Variants in KLC1 observed in about 807,000 individuals in gnomAD.
The protein encoded by KLC1 is kinesin light chain 1, also known as kinesin 2 60/70kDa.
A neutral mutation model predicts 84.2 loss-of-function variants in KLC1; 30 were observed. The observed-to-expected ratio is 0.36, with a 90% CI of 0.27 to 0.48. KLC1 has a LOEUF of 0.48. Ranked by LOEUF, KLC1 falls within the 20% of genes least tolerant of loss-of-function variation. The pLI, the probability that KLC1 is intolerant of heterozygous loss-of-function variation, is 0.99. For synonymous variants in KLC1, 289 were observed against 293.3 expected (o/e 0.99, Z 0.15); for missense variants, 499 against 805.4 (o/e 0.62, Z 4.60).
chr14:103,646,306 G>A (rs1287795468), intron 1 of KLC1, among the ~76,000 whole-genome samples: 1 of 152,036 alleles, frequency 6.6e-6, no homozygotes, highest in African/African-American at 2.4e-5. Context: ...TGTGTAATGA[G>A]AACTATTTTC....
At chr14:103,671,130 A>G (rs1384813326) in intron 7 of KLC1, among the ~76,000 whole-genome samples, 1 of 152,132 alleles carries the variant, frequency 6.6e-6, no homozygotes, top group Non-Finnish European at 1.5e-5. Flanking sequence ...ATTAAAGATA[A>G]ATTCACCAAA....
chr14:103,696,325 G>C (rs1166373376), intron 15 of KLC1: 1 of 985,234 alleles, frequency 1.0e-6, no homozygotes, highest in African/African-American at 1.7e-5. Flanking sequence ...GGGTGGCACG[G>C]GGCACTCTCA....
intron 15 of KLC1, 42 bp from the exon 16 acceptor site, chr14:103,700,613 C>T (rs1446515878): frequency 6.5e-7 from 1 of 1,544,548 alleles, no homozygotes; most frequent in Non-Finnish European, 8.9e-7. Flanking sequence ...CTGAGGGCCG[C>T]CTGCACGCCC....
At chr14:103,678,558 C>T (rs1408155306) in intron 12 of KLC1, among the ~76,000 whole-genome samples, 2 of 151,520 alleles carry the variant, frequency 1.3e-5, no homozygotes, top group African/African-American at 4.9e-5. Flanking sequence ...GGTGTGTTGG[C>T]CCAAGCCTGT....
intron 13 of KLC1, 39 bp downstream of exon 13, chr14:103,679,584 G>GC: frequency 6.5e-7 from 1 of 1,532,408 alleles, no homozygotes; most frequent in Middle Eastern, 1.7e-4. Flanking sequence ...TCCGGGAGGC[G>GC]CCCCCAAGTG....
chr14:103,654,525 T>C (rs2078700845), intron 1 of KLC1, 39 bp from the exon 2 acceptor site: 2 of 1,536,664 alleles, frequency 1.3e-6, no homozygotes, highest in African/African-American at 1.4e-5. Context: ...ATGAAACCTG[T>C]AATGAGGGAT....
At chr14:103,649,129 C>A (rs2078183154) in intron 1 of KLC1, among the ~76,000 whole-genome samples, 1 of 151,572 alleles carries the variant, frequency 6.6e-6, no homozygotes, top group Admixed American at 6.6e-5. Context: ...AGAATGAGAG[C>A]CTGTCTTAAA....
At chr14:103,666,255 G>C (rs2079799592) in intron 5 of KLC1, among the ~76,000 whole-genome samples, 2 of 151,990 alleles carry the variant, frequency 1.3e-5, no homozygotes, top group Admixed American at 1.3e-4. Context: ...AGTAGAGACG[G>C]AGTTTCACCA....
chr14:103,629,698 TTC>T, intron 1 of KLC1, among the ~76,000 whole-genome samples: 1 of 142,144 alleles, frequency 7.0e-6, no homozygotes, highest in Non-Finnish European at 1.5e-5. Flanking sequence ...CCCTTCCAGG[TTC>T]AGGTCGGGTT....
At chr14:103,664,248 T>C (rs1033768532) in intron 5 of KLC1, among the ~76,000 whole-genome samples, 5 of 152,152 alleles carry the variant, frequency 3.3e-5, no homozygotes, top group Non-Finnish European at 7.4e-5. Context: ...GCTTCCTGAG[T>C]TCAAGTGATT....
At chr14:103,649,528 A>T (rs1024583630) in intron 1 of KLC1, among the ~76,000 whole-genome samples, 1 of 146,862 alleles carries the variant, frequency 6.8e-6, no homozygotes, top group African/African-American at 2.5e-5. Flanking sequence ...CAAGAGTTTT[A>T]GACCAGCCTG....
chr14:103,647,218 C>CT (rs895749078), intron 1 of KLC1, among the ~76,000 whole-genome samples: 3 of 151,152 alleles, frequency 2.0e-5, no homozygotes, highest in Non-Finnish European at 3.0e-5. Flanking sequence ...TATCCAGAAA[C>CT]TTTTTTTTTA....
chr14:103,685,249 T>C (rs996879887), intron 13 of KLC1: 42 of 1,398,450 alleles, frequency 3.0e-5, no homozygotes, highest in Non-Finnish European at 3.8e-5. Flanking sequence ...TTTAAGAGAA[T>C]GAAAGTCATA....
chr14:103,647,891 A>G (rs2078073858), intron 1 of KLC1, among the ~76,000 whole-genome samples: 2 of 151,390 alleles, frequency 1.3e-5, no homozygotes, highest in African/African-American at 4.8e-5. Flanking sequence ...AAAAAAAAAG[A>G]ATAGCATTTC....
At chr14:103,692,483 C>T in intron 15 of KLC1, 58 bp downstream of exon 15, 1 of 1,448,434 alleles carries the variant, frequency 6.9e-7, no homozygotes, top group Non-Finnish European at 9.4e-7. Flanking sequence ...GGCAGGTCTG[C>T]TGCAGACCCG....
chr14:103,645,220 G>A (rs1595296803), intron 1 of KLC1, among the ~76,000 whole-genome samples: 1 of 152,120 alleles, frequency 6.6e-6, no homozygotes, highest in African/African-American at 2.4e-5. Flanking sequence ...TGATCCGCCC[G>A]CCTCGGCCTC....
At chr14:103,700,764 G>C (rs755300970) in intron 16 of KLC1, 37 bp downstream of exon 16, 1 of 1,509,086 alleles carries the variant, frequency 6.6e-7, no homozygotes, top group Non-Finnish European at 9.0e-7. Context: ...GAAGCAGGCA[G>C]CTGGGCCAGG....
In KLC1 at chr14:103,698,774, G is replaced by T. The variant is rs769885082; in HGVS notation, c.1849-1881G>T. ...CCGTGTGTCGGGGCTTCTCAGGCAGGGCTGTTGTGCAGCCGCCACCGTGTC... is the reference window on the plus strand; with the variant it reads ...CCGTGTGTCGGGGCTTCTCAGGCAGTGCTGTTGTGCAGCCGCCACCGTGTC... On this transcript the variant is annotated intron_variant, in intron 15 of 16. Transcript: ENST00000334553. 8 of 1,570,142 alleles carry T rather than the reference G, an allele frequency of 5.1e-6. No homozygotes were observed. In the South Asian group the frequency reaches 9.3e-5, roughly 18 times the overall value.
intron 5 of KLC1, among the ~76,000 whole-genome samples, chr14:103,666,314 T>C (rs143119523): frequency 0.018 from 2,691 of 152,116 alleles, 92 homozygotes; most frequent in African/African-American, 0.061. Flanking sequence ...CCACCCGCCT[T>C]GGCCTCCCAA....
Sources: allele counts gnomAD v4.1 joint callset (sites outside exome capture counted in the v4.1 genomes callset), GRCh38; gene constraint gnomAD v4.1.1; transcripts MANE v1.5; gene names NCBI Gene and HGNC (gene_info 2026-07-23, HGNC 2026-07-21).